The following NPSR1 variants were observed in gnomAD, a reference collection of about 807,000 sequenced individuals.
NPSR1 encodes neuropeptide S receptor 1.
In NPSR1, 48 loss-of-function variants were observed where a neutral mutation model predicts 46.9. The observed-to-expected ratio is 1.02, with a 90% CI of 0.81 to 1.30. The LOEUF is 1.30. NPSR1 is among the 50% of genes most tolerant of loss of function. NPSR1 has a pLI of 0.00. For synonymous variants in NPSR1, 176 were observed against 168.1 expected (o/e 1.05, Z -0.36); for missense variants, 450 against 449.5 (o/e 1.00, Z -0.01).
At chr7:34,756,790 G>A (rs749059463) in intron 2 of NPSR1, among the ~76,000 whole-genome samples, 21 of 152,134 alleles carry the variant, frequency 1.4e-4, no homozygotes, top group Non-Finnish European at 2.4e-4. Context: ...TATTTCTGTG[G>A]CTTTCGACAT....
At chr7:34,780,061 C>T (rs1787164582) in intron 3 of NPSR1, among the ~76,000 whole-genome samples, 1 of 152,118 alleles carries the variant, frequency 6.6e-6, no homozygotes, top group African/African-American at 2.4e-5. Context: ...TTAGTGTCCT[C>T]ACAACATAGT....
chr7:34,706,552 A>C (rs1372162344), intron 2 of NPSR1, among the ~76,000 whole-genome samples: 2 of 152,048 alleles, frequency 1.3e-5, no homozygotes, highest in Non-Finnish European at 2.9e-5. Context: ...TTGTCTATGA[A>C]AAGTTTTAAA....
At chr7:34,788,724 A>G (rs151276026) in intron 3 of NPSR1, among the ~76,000 whole-genome samples, 293 of 152,212 alleles carry the variant, frequency 1.9e-3, no homozygotes, top group African/African-American at 7.0e-3. Flanking sequence ...GGTCTTCAAA[A>G]TCCCACTTTT....
intron 8 of NPSR1, among the ~76,000 whole-genome samples, chr7:34,865,708 T>G (rs924667961): frequency 1.3e-5 from 2 of 151,628 alleles, no homozygotes; most frequent in Non-Finnish European, 2.9e-5. Context: ...GCACTACATT[T>G]CTCTCTTCTG....
chr7:34,678,364 A>G (rs56354790), intron 1 of NPSR1, among the ~76,000 whole-genome samples: 26,745 of 151,400 alleles, frequency 0.18, 3,453 homozygotes, highest in African/African-American at 0.36. Flanking sequence ...TGGGACTACA[A>G]GCACGCACCA....
In NPSR1 at chr7:34,798,930, C is replaced by T. The variant is rs1332852105; in HGVS notation, c.385-12840C>T. 2.6e-5 allele frequency among the ~76,000 whole-genome samples: 4 copies of T among 151,978 alleles called. No individual in the cohort carries two copies. In the East Asian group the frequency reaches 7.7e-4, roughly 29 times the overall value. The stretch of plus-strand genomic sequence containing the variant: ...TTTGAAATAAATGAAAATGTAACAT[C>T]ATAGTTTGTAGGATGCAGTAAAAGC... On this transcript the variant is annotated intron_variant, in intron 3 of 8. Coordinates refer to ENST00000360581, the MANE Select transcript of NPSR1 (RefSeq NM_207172.2).
chr7:34,761,215 A>C (rs1389428753), intron 2 of NPSR1: 3 of 152,582 alleles, frequency 2.0e-5, no homozygotes, highest in Non-Finnish European at 4.4e-5. Context: ...GGGAAGAAGT[A>C]AGATTGGGCT....
At chr7:34,783,335 G>C (rs940578372) in intron 3 of NPSR1, among the ~76,000 whole-genome samples, 1 of 152,102 alleles carries the variant, frequency 6.6e-6, no homozygotes, top group Non-Finnish European at 1.5e-5. Context: ...GCAGGAGAGA[G>C]AAGAATGAGA....
chr7:34,683,488 T>C (rs973705312), intron 1 of NPSR1, among the ~76,000 whole-genome samples: 9 of 152,082 alleles, frequency 5.9e-5, no homozygotes, highest in African/African-American at 1.4e-4. Context: ...GTCAGATTCA[T>C]AGCATTCTCG....
chr7:34,761,953 A>G (rs1041887884), intron 2 of NPSR1, among the ~76,000 whole-genome samples: 5 of 152,154 alleles, frequency 3.3e-5, no homozygotes, highest in African/African-American at 9.7e-5. Flanking sequence ...GCTTGTGCTT[A>G]TGAGCACAGG....
chr7:34,700,422 T>C (rs1793764744), intron 2 of NPSR1, among the ~76,000 whole-genome samples: 1 of 152,210 alleles, frequency 6.6e-6, no homozygotes, highest in Non-Finnish European at 1.5e-5. Flanking sequence ...CTACATGCTT[T>C]CTGTAGATCA....
At chr7:34,808,720 T>C (rs1018020165) in intron 3 of NPSR1, among the ~76,000 whole-genome samples, 5 of 152,230 alleles carry the variant, frequency 3.3e-5, no homozygotes, top group South Asian at 4.1e-4. Flanking sequence ...AAAACTGTTC[T>C]GTGCCTTGGC....
chr7:34,843,260 A>T (rs759371590), intron 6 of NPSR1, among the ~76,000 whole-genome samples: 1 of 152,238 alleles, frequency 6.6e-6, no homozygotes, highest in Non-Finnish European at 1.5e-5. Context: ...GAGGCTGGGA[A>T]ATCCAAGAGC....
At chr7:34,853,585 T>A (rs143327147), downstream of NPSR1, among the ~76,000 whole-genome samples, 89 of 152,324 alleles carry the variant, frequency 5.8e-4, no homozygotes, top group African/African-American at 1.9e-3. Flanking sequence ...TTAAAGTGGA[T>A]GGAGTCTTAT....
At chr7:34,848,027 T>C (rs1353943428) in intron 7 of NPSR1, among the ~76,000 whole-genome samples, 1 of 152,180 alleles carries the variant, frequency 6.6e-6, no homozygotes, top group Non-Finnish European at 1.5e-5. Flanking sequence ...TAGAAAATAT[T>C]GTGATCACCC....
chr7:34,675,292 C>T (rs1189851810), intron 1 of NPSR1, among the ~76,000 whole-genome samples: 2 of 152,170 alleles, frequency 1.3e-5, no homozygotes, highest in Non-Finnish European at 2.9e-5. Flanking sequence ...ATGTGATTCA[C>T]TCAAATTATT....
At chr7:34,806,772 T>C (rs1273592316) in intron 3 of NPSR1, among the ~76,000 whole-genome samples, 1 of 152,104 alleles carries the variant, frequency 6.6e-6, no homozygotes, top group African/African-American at 2.4e-5. Flanking sequence ...ACCCTCTGTG[T>C]TGTTTGCAAT....
At chr7:34,865,990 C>A (rs1380994145) in intron 8 of NPSR1, among the ~76,000 whole-genome samples, 2 of 151,838 alleles carry the variant, frequency 1.3e-5, no homozygotes, top group African/African-American at 4.9e-5. Context: ...CACCTTCCTT[C>A]CCTGCCTTTA....
intron 1 of NPSR1, among the ~76,000 whole-genome samples, chr7:34,679,455 A>G (rs1792501267): frequency 6.6e-6 from 1 of 151,848 alleles, no homozygotes; most frequent in African/African-American, 2.4e-5. Flanking sequence ...AGTTCAAGGC[A>G]AAAAGAGTTA....
Sources: gnomAD v4.1 joint callset for allele counts (sites outside exome capture counted in the v4.1 genomes callset) on GRCh38, gnomAD v4.1.1 for gene constraint, MANE v1.5 for transcripts, NCBI Gene and HGNC (gene_info 2026-07-23, HGNC 2026-07-21) for gene names.